PTPRT: variants seen among roughly 807,000 people sequenced by gnomAD.
The protein encoded by PTPRT is protein tyrosine phosphatase receptor type T.
Under a neutral mutation model 176.8 loss-of-function variants are expected in PTPRT, and 56 were observed. The ratio of observed to expected loss-of-function variants is 0.32; its 90% CI spans 0.26 to 0.40. The LOEUF (loss-of-function observed/expected upper bound fraction) is 0.40, where lower values mean the gene tolerates loss of function less well. Among genes scored for constraint, PTPRT ranks in the 10% least tolerant of loss-of-function variants. PTPRT has a pLI of 1.00. For synonymous variants in PTPRT, 783 were observed against 739.0 expected, an observed-to-expected ratio of 1.06 and a Z score of -0.96; for missense variants, 1,540 against 1,908.2, an observed-to-expected ratio of 0.81 and a Z score of 3.60.
In PTPRT at chr20:42,311,294, T is replaced by C. The variant is rs533791660; in HGVS notation, c.2139+4429A>G. ...AATCCATCATATCTAATTATTTTAG[T>C]AGTTTACTGAAAGTCACACAGCTAC... On this transcript the variant is annotated intron_variant, in intron 12 of 30. Coordinates refer to ENST00000373187, the MANE Select transcript of PTPRT (RefSeq NM_007050.6). 1.5e-3 allele frequency among the ~76,000 whole-genome samples: 230 copies of C among 152,128 alleles called. 1 individual carries two copies. The highest frequency in any genetic ancestry group is 1.0e-3 in the Non-Finnish European group (68 of 68,020).
At chr20:42,603,375 G>A (rs979431448) in intron 7 of PTPRT, among the ~76,000 whole-genome samples, 2 of 152,086 alleles carry the variant, frequency 1.3e-5, no homozygotes, top group Non-Finnish European at 2.9e-5. Flanking sequence ...GGGTGGAGAG[G>A]GGACAAACGA....
At chr20:42,058,621 G>T in the PTPRT span, among the ~76,000 whole-genome samples, 28 of 152,302 alleles carry the variant, frequency 1.8e-4, no homozygotes, top group African/African-American at 6.3e-4. Flanking sequence ...TCCAAAGGCA[G>T]CGACAAGAAT....
intron 12 of PTPRT, among the ~76,000 whole-genome samples, chr20:42,300,921 A>G (rs1198857363): frequency 6.7e-6 from 1 of 150,128 alleles, no homozygotes; most frequent in Non-Finnish European, 1.5e-5. Flanking sequence ...GAACACATGG[A>G]CACAGGAAGG....
At chr20:42,238,356 T>C (rs867786943) in intron 14 of PTPRT, among the ~76,000 whole-genome samples, 11 of 152,084 alleles carry the variant, frequency 7.2e-5, no homozygotes, top group Non-Finnish European at 1.3e-4. Context: ...TCTGGCCACA[T>C]AGAAAACTGT....
At position 42,100,009 on chromosome 20, in the gene PTPRT, C is replaced by A. The variant is rs1000021145; in HGVS notation, c.3715-1457G>T. ...GAGTTAACAGACTTGGGGCTCCAAT[C>A]CTTGGCTCCCATTTCTGAGCTACTT... On this transcript the variant is annotated intron_variant, in intron 26 of 30. Coordinates refer to ENST00000373187, the MANE Select transcript of PTPRT (RefSeq NM_007050.6). Among the ~76,000 whole-genome samples, 4 of 152,190 alleles carry A rather than the reference C, an allele frequency of 2.6e-5. No homozygotes were observed. In the South Asian group the frequency reaches 8.3e-4, roughly 32 times the overall value.
chr20:43,084,742 G>T (rs534133346), intron 1 of PTPRT, among the ~76,000 whole-genome samples: 1 of 152,104 alleles, frequency 6.6e-6, no homozygotes. Context: ...TAAGCATGTA[G>T]ATAAGTATAT....
At chr20:42,946,511 A>ACAT (rs1234575875) in intron 1 of PTPRT, among the ~76,000 whole-genome samples, 2 of 152,222 alleles carry the variant, frequency 1.3e-5, no homozygotes, top group African/African-American at 4.8e-5. Flanking sequence ...ATCTGACCTC[A>ACAT]CTGTGGCATC....
chr20:42,733,706 G>T (rs561501658), intron 6 of PTPRT, among the ~76,000 whole-genome samples: 1 of 152,194 alleles, frequency 6.6e-6, no homozygotes, highest in African/African-American at 2.4e-5. Context: ...TGCAGCCATC[G>T]GAGGCTACAG....
At chr20:42,489,574 T>C (rs1339618953) in intron 7 of PTPRT, among the ~76,000 whole-genome samples, 1 of 152,086 alleles carries the variant, frequency 6.6e-6, no homozygotes, top group African/African-American at 2.4e-5. Context: ...TTTAATATAT[T>C]TATTTTGTGT....
At chr20:43,174,001 G>A (rs1283354861) in intron 1 of PTPRT, among the ~76,000 whole-genome samples, 2 of 152,332 alleles carry the variant, frequency 1.3e-5, no homozygotes, top group East Asian at 1.9e-4. Flanking sequence ...TGGGATTGCT[G>A]TGTCTGCCTC....
chr20:42,395,393 C>T (rs2058839642), intron 9 of PTPRT, among the ~76,000 whole-genome samples: 1 of 152,172 alleles, frequency 6.6e-6, no homozygotes, highest in Non-Finnish European at 1.5e-5. Context: ...AGTGAGACCC[C>T]CTGTGCTCTC....
intron 28 of PTPRT, 150 bp downstream of exon 28, chr20:42,085,578 G>C (rs74355524): frequency 8.4e-7 from 1 of 1,194,180 alleles, no homozygotes; most frequent in Non-Finnish European, 1.2e-6. Context: ...GTCTGGAGCC[G>C]GAATCAGCAC....
chr20:42,076,343 C>T lies in PTPRT; in HGVS notation c.*4536G>A, dbSNP rs769257093. 1.5e-5 allele frequency: 3 copies of T among 197,604 alleles called. No homozygotes were observed. Among genetic ancestry groups the T allele is most frequent in the East Asian group, 7.9e-5 (1 of 12,732 alleles). 12.2% of individuals were successfully genotyped at this position (197,604 alleles called of 1,614,324 possible). Reference sequence around the variant, plus strand: ...CATGTGACTCCACTTGGACAACAGGCACCACTTTCCAGCCTAGCATTCAGG... The same window carrying T: ...CATGTGACTCCACTTGGACAACAGGTACCACTTTCCAGCCTAGCATTCAGG... On this transcript the variant is annotated 3_prime_UTR_variant, in exon 31 of 31. Transcript: ENST00000373187.
chr20:42,354,225 G>T (rs2058327938), intron 9 of PTPRT, among the ~76,000 whole-genome samples: 1 of 152,094 alleles, frequency 6.6e-6, no homozygotes, highest in South Asian at 2.1e-4. Context: ...CCCCCATCAG[G>T]GATCACCTCT....
chr20:42,826,194 C>T (rs1019072658), intron 2 of PTPRT, among the ~76,000 whole-genome samples: 43 of 152,098 alleles, frequency 2.8e-4, no homozygotes, highest in African/African-American at 1.0e-3. Flanking sequence ...TGAGTGAAGA[C>T]AGCATCCCCC....
chr20:42,885,755 C>G, intron 2 of PTPRT, 52 bp downstream of exon 2: 3 of 1,567,164 alleles, frequency 1.9e-6, no homozygotes, highest in Non-Finnish European at 2.6e-6. Flanking sequence ...CCATGATTCA[C>G]GGTAAAAACT....
chr20:43,044,982 G>A (rs954467379), intron 1 of PTPRT, among the ~76,000 whole-genome samples: 1 of 152,206 alleles, frequency 6.6e-6, no homozygotes, highest in Admixed American at 6.5e-5. Context: ...TTAAGATGGG[G>A]TAACAGCCTC....
At chr20:42,758,997 C>T (rs568979026) in intron 5 of PTPRT, among the ~76,000 whole-genome samples, 4 of 152,158 alleles carry the variant, frequency 2.6e-5, no homozygotes, top group Admixed American at 1.3e-4. Context: ...TGCAATGCCC[C>T]GGAAATTCCC....
In PTPRT at chr20:42,507,975, G is replaced by A. The variant is rs142959475; in HGVS notation, c.1154-35413C>T. 4.7e-3 allele frequency among the ~76,000 whole-genome samples: 720 copies of A among 151,986 alleles called. 5 individuals are homozygous for A. Among genetic ancestry groups the A allele is most frequent in the African/African-American group, 0.017 (690 of 41,470 alleles). ...GTCAATGCATGGTGTGCCTCTTGATGCAGCCTGGCACTTTCATTAACGTAT... is the reference window on the plus strand; with the variant it reads ...GTCAATGCATGGTGTGCCTCTTGATACAGCCTGGCACTTTCATTAACGTAT... On this transcript the variant is annotated intron_variant, in intron 7 of 30. Transcript: ENST00000373187.
Sources: allele counts gnomAD v4.1 joint callset (sites outside exome capture counted in the v4.1 genomes callset), GRCh38; gene constraint gnomAD v4.1.1; transcripts MANE v1.5; gene names NCBI Gene and HGNC (gene_info 2026-07-23, HGNC 2026-07-21).